HIP1R: variants seen among roughly 807,000 people sequenced by gnomAD.
HIP1R encodes huntingtin-interacting protein 1-related protein.
HIP1R carries 135 observed loss-of-function variants against 144.2 expected under a neutral mutation model. The observed-to-expected ratio is 0.94, with a 90% CI of 0.81 to 1.08. The LOEUF is 1.08. Among genes scored for constraint, HIP1R ranks in the 50% least tolerant of loss-of-function variants. The probability of loss-of-function intolerance (pLI) is 0.00; values close to 1 mark genes in which losing one functional copy is unlikely to be tolerated. For missense variants in HIP1R, 1,462 were observed against 1,432.8 expected, an observed-to-expected ratio of 1.02 and a Z score of -0.33; for synonymous variants, 698 against 612.8, an observed-to-expected ratio of 1.14 and a Z score of -2.05.
In HIP1R at chr12:122,855,986, C is replaced by T. The variant is rs574621096; in HGVS notation, c.1135C>T (p.Arg379Trp). 8.8e-6 allele frequency: 14 copies of T among 1,586,870 alleles called. No homozygotes were observed. Among genetic ancestry groups the T allele is most frequent in the Admixed American group, 1.8e-5 (1 of 55,620 alleles). ...ELEKIKLEAQ[R>W]YIAQLKSQVN... ...GTCACACCTCCTCCCGCAGGCCCAG[C>T]GGTACATCGCGCAGCTGAAGAGCCA... The change falls in exon 14 of 32, where the codon CGG (arginine) becomes TGG (tryptophan). Residue 379 changes from arginine to tryptophan, a missense_variant. Arg to Trp is a moderately radical substitution (Grantham distance 101). Coordinates refer to ENST00000253083, the MANE Select transcript of HIP1R (RefSeq NM_003959.3).
intron 7 of HIP1R, among the ~76,000 whole-genome samples, chr12:122,851,846 CCAT>C (rs1460878751): frequency 9.9e-5 from 15 of 152,178 alleles, no homozygotes; most frequent in Admixed American, 7.9e-4. Context: ...GAGTGTCACT[CCAT>C]CAGCCCCAAG....
In HIP1R at chr12:122,860,224, G is replaced by A. The variant is rs575140699; in HGVS notation, c.2559+14G>A. 233 of 1,546,976 alleles carry A rather than the reference G, an allele frequency of 1.5e-4. No homozygotes were observed. Among genetic ancestry groups the A allele is most frequent in the Non-Finnish European group, 1.4e-4 (155 of 1,148,060 alleles). On this transcript the variant is annotated intron_variant, in intron 26 of 31. Coordinates refer to ENST00000253083, the MANE Select transcript of HIP1R (RefSeq NM_003959.3). ...GAGAGCGGCAGGGTGAGGGGCCGGCGGCAGCAGGGCACAGTCCACAAGGAG... is the reference window on the plus strand; with the variant it reads ...GAGAGCGGCAGGGTGAGGGGCCGGCAGCAGCAGGGCACAGTCCACAAGGAG...
Position 122,835,626 on chromosome 12 carries a change from C to A in HIP1R, c.76C>A (p.Gln26Lys). The A allele has an allele frequency of 7.8e-7, 1 of 1,279,632 alleles. No individual in the cohort carries two copies. Among genetic ancestry groups the A allele is most frequent in the East Asian group, 3.8e-5 (1 of 26,130 alleles). The allele number at this position is 1,279,632 out of a possible 1,614,324, so 79.3% of individuals were successfully genotyped here. A position where few individuals can be genotyped will look rare whatever the true frequency, so the allele number is the denominator to read the frequency against. ...PGHSLEAEREQFDKTQAISIS... is the reference protein window; with the variant it reads ...PGHSLEAEREKFDKTQAISIS... ...CCACAGCCTGGAGGCCGAGCGCGAG[C>A]AGTTCGACAAGACCCAGGCGAGCGG... Residue 26 changes from glutamine (Q) to lysine (K), a missense_variant, in exon 1 of 32, where the codon CAG becomes AAG. Physicochemically the swap from Gln to Lys is moderately conservative, Grantham distance 53 (BLOSUM62 1). Coordinates refer to ENST00000253083, the MANE Select transcript of HIP1R (RefSeq NM_003959.3).
At chr12:122,858,687 G>GGTGT in intron 20 of HIP1R, 151 bp from the exon 21 acceptor site, 1 of 689,430 alleles carries the variant, frequency 1.5e-6, no homozygotes, top group Middle Eastern at 3.7e-4. Flanking sequence ...CACACACTGT[G>GGTGT]GTGTGGTTCC....
Position 122,848,838 on chromosome 12 carries a change from A to T in HIP1R, c.343A>T (p.Ile115Phe), listed in dbSNP as rs763448852. Residue 115 changes from isoleucine to phenylalanine, a missense_variant, in exon 4 of 32, where the codon ATT becomes TTT. Physicochemically the swap from Ile to Phe is conservative, Grantham distance 21. Coordinates refer to ENST00000253083, the MANE Select transcript of HIP1R (RefSeq NM_003959.3). ...CQRYRSNIRE[I>F]GDLWGHLHDR... ...GCGGTACCGCAGCAACATCCGGGAGATTGGAGACCTGTGGGTAGGTCCAGC... is the reference window on the plus strand; with the variant it reads ...GCGGTACCGCAGCAACATCCGGGAGTTTGGAGACCTGTGGGTAGGTCCAGC... 9 of 1,613,106 alleles carry T rather than the reference A, an allele frequency of 5.6e-6. No individual in the cohort carries two copies. In the African/African-American group the frequency reaches 1.2e-4, roughly 22 times the overall value.
intron 24 of HIP1R, 44 bp from the exon 25 acceptor site, chr12:122,860,003 C>T: frequency 6.5e-7 from 1 of 1,535,306 alleles, no homozygotes; most frequent in Non-Finnish European, 8.8e-7. Flanking sequence ...GTCGTGTGGG[C>T]TGCTCTGCAG....
In HIP1R at chr12:122,848,714, G is replaced by GC. The variant is rs2033286711; in HGVS notation, c.301-80dup. On this transcript the variant is annotated intron_variant, in intron 3 of 31. Transcript: ENST00000253083. ...CCCGTAGCTCCGGGCTGTTCCTCCC[G>GC]CCTCGGGTGGGGAGTGCGTGTCTCA... is the stretch of plus-strand genomic sequence containing the variant. 21 of 1,598,350 alleles carry GC rather than the reference G, an allele frequency of 1.3e-5. 1 individual carries two copies. In the South Asian group the frequency reaches 2.3e-4, roughly 18 times the overall value.
intron 1 of HIP1R, among the ~76,000 whole-genome samples, chr12:122,842,674 C>G (rs1175079605): frequency 6.6e-6 from 1 of 152,228 alleles, no homozygotes; most frequent in Non-Finnish European, 1.5e-5. Flanking sequence ...GCTCAGTTGC[C>G]TGGCTTTGCT....
chr12:122,852,985 C>T (rs1440108183), intron 7 of HIP1R, among the ~76,000 whole-genome samples: 1 of 152,174 alleles, frequency 6.6e-6, no homozygotes, highest in Non-Finnish European at 1.5e-5. Flanking sequence ...AGGCTCTCTC[C>T]TGTCACTGCA....
Position 122,840,863 on chromosome 12 carries a change from C to T in HIP1R, c.93+5220C>T, listed in dbSNP as rs2033037435. On this transcript the variant is annotated intron_variant, in intron 1 of 31. Coordinates refer to ENST00000253083, the MANE Select transcript of HIP1R (RefSeq NM_003959.3). The surrounding 1 kb of genome is among the most constrained non-coding windows in gnomAD (Gnocchi z 4.2). ...CCTCAGGAGGTGCAGACAAAGCCAG[C>T]AGGAGCCTTGCCTGGCAGAACTGCT... Among the ~76,000 whole-genome samples the T allele has an allele frequency of 6.6e-6, 1 of 152,198 alleles. No individual in the cohort carries two copies. Among genetic ancestry groups the T allele is most frequent in the Non-Finnish European group, 1.5e-5 (1 of 68,038 alleles).
chr12:122,858,296 C>T (rs774899800), intron 19 of HIP1R, 47 bp downstream of exon 19: 1 of 1,585,026 alleles, frequency 6.3e-7, no homozygotes, highest in Non-Finnish European at 8.6e-7. Context: ...TCCTTCCCAT[C>T]CCCAGCCCTG....
chr12:122,852,746 G>C (rs2033437499), intron 7 of HIP1R, among the ~76,000 whole-genome samples: 1 of 152,150 alleles, frequency 6.6e-6, no homozygotes, highest in Non-Finnish European at 1.5e-5. Context: ...TGGGAAGAGA[G>C]ATGTGTCGAA....
intron 24 of HIP1R, 94 bp downstream of exon 24, chr12:122,859,924 A>C: frequency 4.1e-6 from 6 of 1,477,668 alleles, no homozygotes; most frequent in Non-Finnish European, 4.6e-6. Context: ...ACGGGAAAGG[A>C]AGGCCTGGCT....
At chr12:122,857,697 C>G (rs989309900) in intron 18 of HIP1R, 9 of 273,416 alleles carry the variant, frequency 3.3e-5, no homozygotes, top group Admixed American at 9.7e-5. Context: ...ACACTCCCAC[C>G]AGCAACGCAT....
At position 122,856,354 on chromosome 12, in the gene HIP1R, GC is replaced by G; in HGVS notation, c.1401+13del. 6.2e-7 allele frequency: 1 copy of G among 1,613,524 alleles called. No individual in the cohort carries two copies. ...GGAGCTGCTCAGAAAGGTAGGTGCAGCCCATCCTCCATCCCAGCCGGTGGCA... is the reference window on the plus strand; with the variant it reads ...GGAGCTGCTCAGAAAGGTAGGTGCAGCCATCCTCCATCCCAGCCGGTGGCA... On this transcript the variant is annotated intron_variant, in intron 15 of 31. Coordinates refer to ENST00000253083, the MANE Select transcript of HIP1R (RefSeq NM_003959.3).
chr12:122,847,911 C>T (rs181645575), intron 1 of HIP1R, 120 bp from the exon 2 acceptor site: 3 of 807,298 alleles, frequency 3.7e-6, no homozygotes, highest in East Asian at 2.6e-5. Flanking sequence ...TCTCCCCCAT[C>T]GCTCCACTGG....
intron 26 of HIP1R, 56 bp from the exon 27 acceptor site, chr12:122,860,367 T>C (rs1157246253): frequency 2.5e-6 from 4 of 1,596,196 alleles, no homozygotes; most frequent in African/African-American, 1.3e-5. Context: ...AGGGCCACTT[T>C]CCACCTTTGG....
In HIP1R at chr12:122,860,800, G is replaced by T. The variant is rs7306948; in HGVS notation, c.2766+16G>T. ...GGCCTCCAAGGTGAGCTTGCACGCC[G>T]ACAGCAGCACACTGGGCTCTGGGCC... is the stretch of plus-strand genomic sequence containing the variant. On this transcript the variant is annotated intron_variant, in intron 28 of 31. Transcript: ENST00000253083. 1.9e-6 allele frequency: 3 copies of T among 1,611,092 alleles called. No individual in the cohort carries two copies. Among genetic ancestry groups the T allele is most frequent in the Non-Finnish European group, 2.5e-6 (3 of 1,179,022 alleles).
rs937765 is a variant in HIP1R, at chr12:122,860,363, A to T, written c.2560-60A>T. ...GAGGGGGAGAGGGCCCTTGAGGGCC[A>T]CTTTCCACCTTTGGTGTCCTTGACT... On this transcript the variant is annotated intron_variant, in intron 26 of 31. Coordinates refer to ENST00000253083, the MANE Select transcript of HIP1R (RefSeq NM_003959.3). 2 of 1,588,626 alleles carry T rather than the reference A, an allele frequency of 1.3e-6. 1 individual carries two copies. Among genetic ancestry groups the T allele is most frequent in the South Asian group, 2.2e-5 (2 of 90,320 alleles).
Sources: allele counts gnomAD v4.1 joint callset (sites outside exome capture counted in the v4.1 genomes callset), GRCh38; gene constraint gnomAD v4.1.1; non-coding constraint Gnocchi (gnomAD v3.1); transcripts MANE v1.5; gene names NCBI Gene and HGNC (gene_info 2026-07-23, HGNC 2026-07-21).